WDR26: variants seen among roughly 807,000 people sequenced by gnomAD.
WDR26 encodes the protein WD repeat-containing protein 26.
A neutral mutation model predicts 84.1 loss-of-function variants in WDR26; 5 were observed. The ratio of observed to expected loss-of-function variants is 0.06; its 90% CI spans 0.03 to 0.13. WDR26 has a LOEUF of 0.13. WDR26 is among the 10% of genes least tolerant of loss of function. WDR26 has a pLI of 1.00. For missense variants in WDR26, 642 were observed against 974.9 expected, an observed-to-expected ratio of 0.66 and a Z score of 4.55; for synonymous variants, 415 against 389.6, an observed-to-expected ratio of 1.07 and a Z score of -0.77.
chr1:224,398,316 A>G (rs1402004482), intron 11 of WDR26, 90 bp from the exon 12 acceptor site: 9 of 1,487,542 alleles, frequency 6.1e-6, no homozygotes, highest in Non-Finnish European at 8.1e-6. Context: ...GCCTGATGAA[A>G]TATCTTCATT....
rs1256548271 is a variant in WDR26 at position 224,386,611 on chromosome 1, C to T, written c.*3224G>A. The T allele has an allele frequency of 6.6e-6, 1 of 152,468 alleles. No individual in the cohort carries two copies. Among genetic ancestry groups the T allele is most frequent in the African/African-American group, 2.4e-5 (1 of 41,420 alleles). The allele number at this position is 152,468 out of a possible 1,614,324, so 9.4% of individuals were successfully genotyped here. On this transcript the variant is annotated 3_prime_UTR_variant, in exon 14 of 14. Coordinates refer to ENST00000414423, the MANE Select transcript of WDR26 (RefSeq NM_001379403.1). ...GAACACTCCTAATAATAACATTCAC[C>T]AGATTACTACTGCTGTTTTTTTCAG...
intron 6 of WDR26, among the ~76,000 whole-genome samples, chr1:224,415,448 T>A (rs915439209): frequency 1.5e-5 from 2 of 130,484 alleles, no homozygotes; most frequent in African/African-American, 3.0e-5. Flanking sequence ...AACACGTATT[T>A]CTTTCTTTTT....
At position 224,434,638 on chromosome 1, in the gene WDR26, G is replaced by A; in HGVS notation, c.-233C>T. Reference sequence around the variant, plus strand: ...GGGTCGCGCCGGGGGGCGCCGCGGGGCGGCTGCGGGGGCGCGGGGCCCGCC... The same window carrying A: ...GGGTCGCGCCGGGGGGCGCCGCGGGACGGCTGCGGGGGCGCGGGGCCCGCC... On this transcript the variant is annotated 5_prime_UTR_variant, in exon 1 of 14. Coordinates refer to ENST00000414423, the MANE Select transcript of WDR26 (RefSeq NM_001379403.1). The A allele has an allele frequency of 1.5e-6, 1 of 647,770 alleles. No individual in the cohort carries two copies. The highest frequency in any genetic ancestry group is 2.0e-5 in the African/African-American group (1 of 49,546). The allele number at this position is 647,770 out of a possible 1,614,324, so 40.1% of individuals were successfully genotyped here.
At chr1:224,395,312 A>G (rs972773305) in intron 12 of WDR26, among the ~76,000 whole-genome samples, 1 of 152,236 alleles carries the variant, frequency 6.6e-6, no homozygotes, top group Non-Finnish European at 1.5e-5. Context: ...AGAGGGCAGA[A>G]TCCCAGGGCA....
chr1:224,431,472 T>C lies in WDR26; in HGVS notation c.927+5A>G. ...ATGTGAAACTAAGAACAAAAGTGTA[T>C]TTACCACAATTATTCCCAACAACGT... On this transcript the variant is annotated splice_donor_5th_base_variant and intron_variant, in intron 3 of 13. Transcript: ENST00000414423. The C allele has an allele frequency of 6.2e-7, 1 of 1,612,604 alleles. No individual in the cohort carries two copies. Among genetic ancestry groups the C allele is most frequent in the Non-Finnish European group, 8.5e-7 (1 of 1,178,838 alleles).
intron 8 of WDR26, among the ~76,000 whole-genome samples, chr1:224,402,644 A>C (rs1322511245): frequency 6.6e-6 from 1 of 152,234 alleles, no homozygotes; most frequent in Non-Finnish European, 1.5e-5. Flanking sequence ...TTTCTGTTAC[A>C]GGATTAAGAC....
chr1:224,433,842 G>A lies in WDR26; in HGVS notation c.564C>T (p.Ser188=), dbSNP rs1174766510. Residue 188 remains serine (S), a synonymous_variant, in exon 1 of 14, where the codon TCC becomes TCT. Coordinates refer to ENST00000414423, the MANE Select transcript of WDR26 (RefSeq NM_001379403.1). ...CGGAGGCAGCTGCGACGGTGGCTGA[G>A]GATGCGGCGGCCGCCCCGCCGGGAA... is the stretch of plus-strand genomic sequence containing the variant. 3 of 1,536,882 alleles carry A rather than the reference G, an allele frequency of 2.0e-6. No homozygotes were observed. The highest frequency in any genetic ancestry group is 2.4e-5 in the East Asian group (1 of 40,896).
chr1:224,399,028 C>G lies in WDR26; in HGVS notation c.1726G>C (p.Asp576His). 6.5e-7 allele frequency: 1 copy of G among 1,546,574 alleles called. No individual in the cohort carries two copies. The highest frequency in any genetic ancestry group is 1.2e-5 in the South Asian group (1 of 80,834). ...TCCCAGGAGTCAAGGAGATTACCAT[C>G]TAAGTCCTGAGTAAGAAAAAACTAC... Residue 576 changes from aspartate (D) to histidine (H), a missense_variant, in exon 10 of 14, where the codon GAT becomes CAT. Transcript: ENST00000414423.
chr1:224,424,366 T>G, intron 4 of WDR26, 152 bp downstream of exon 4: 1 of 1,033,930 alleles, frequency 9.7e-7, no homozygotes. Context: ...TTTCCTAGAA[T>G]GACCAAAATA....
At chr1:224,419,373 C>T in intron 5 of WDR26, 145 bp downstream of exon 5, 1 of 657,438 alleles carries the variant, frequency 1.5e-6, no homozygotes, top group South Asian at 1.8e-5. Context: ...GACTCCATGA[C>T]AGAGTCTGAA....
chr1:224,391,949 T>C (rs1445294418), intron 13 of WDR26, among the ~76,000 whole-genome samples: 1 of 152,222 alleles, frequency 6.6e-6, no homozygotes, highest in Non-Finnish European at 1.5e-5. Context: ...GTTGCTGAAC[T>C]GGACCCAGAT....
chr1:224,409,277 T>C (rs1430584425), intron 7 of WDR26, among the ~76,000 whole-genome samples: 1 of 152,206 alleles, frequency 6.6e-6, no homozygotes. Context: ...TAAATAAAAA[T>C]AAAAAATGTT....
Position 224,398,838 on chromosome 1 carries a change from T to G in WDR26, c.1865+51A>C, listed in dbSNP as rs747968444. The G allele has an allele frequency of 5.6e-6, 9 of 1,603,560 alleles. No homozygotes were observed. The South Asian group carries it at 1.0e-4, about 18-fold the overall frequency. On this transcript the variant is annotated intron_variant, in intron 10 of 13. Transcript: ENST00000414423. ...GTGAAAAGGCAAGTTCCACTACACA[T>G]TTGAATATAAATCAGGTAATTGTTG...
chr1:224,394,106 C>T, intron 12 of WDR26, 93 bp from the exon 13 acceptor site: 1 of 962,978 alleles, frequency 1.0e-6, no homozygotes, highest in Non-Finnish European at 1.4e-6. Flanking sequence ...GGACTCTTTA[C>T]TAGAACTTAA....
At chr1:224,400,358 A>T (rs968811967) in intron 9 of WDR26, among the ~76,000 whole-genome samples, 3 of 152,016 alleles carry the variant, frequency 2.0e-5, no homozygotes, top group African/African-American at 7.2e-5. Flanking sequence ...TATAAATTAG[A>T]AACTTGCTCA....
At chr1:224,399,139 T>C in intron 9 of WDR26, 105 bp from the exon 10 acceptor site, 1 of 1,132,850 alleles carries the variant, frequency 8.8e-7, no homozygotes, top group South Asian at 2.2e-5. Context: ...AACAGGTTTT[T>C]TTTTTTTCCT....
chr1:224,389,280 G>C lies in WDR26; in HGVS notation c.*555C>G, dbSNP rs1465509945. 1 of 170,666 alleles carries C rather than the reference G, an allele frequency of 5.9e-6. No homozygotes were observed. The highest frequency in any genetic ancestry group is 6.3e-5 in the Admixed American group (1 of 15,776). 10.6% of individuals were successfully genotyped at this position (170,666 alleles called of 1,614,324 possible). A position where few individuals can be genotyped will look rare whatever the true frequency, so the allele number is the denominator to read the frequency against. On this transcript the variant is annotated 3_prime_UTR_variant, in exon 14 of 14. Transcript: ENST00000414423. ...ACATAGTTCACTGGTTTATCATCTG[G>C]ATCAGTATATACTGCGCAACGGGCA...
chr1:224,430,056 T>C (rs1674340848), intron 3 of WDR26: 1 of 152,226 alleles, frequency 6.6e-6, no homozygotes, highest in Non-Finnish European at 1.5e-5. Flanking sequence ...TTAATTCTTC[T>C]TTTGGCCATC....
intron 3 of WDR26, among the ~76,000 whole-genome samples, chr1:224,426,605 C>G (rs1435945674): frequency 6.7e-6 from 1 of 149,834 alleles, no homozygotes; most frequent in African/African-American, 2.5e-5. Context: ...GTTAACCTTT[C>G]TATGTTAAAT....
Sources: gnomAD v4.1 joint callset for allele counts (sites outside exome capture counted in the v4.1 genomes callset) on GRCh38, gnomAD v4.1.1 for gene constraint, MANE v1.5 for transcripts, NCBI Gene and HGNC (gene_info 2026-07-23, HGNC 2026-07-21) for gene names.